The following IL1RAPL1 variants were observed in gnomAD, a reference collection of about 807,000 sequenced individuals.
IL1RAPL1 encodes the protein interleukin 1 receptor accessory protein like 1.
In IL1RAPL1, 3 loss-of-function variants were observed where a neutral mutation model predicts 48.4. The ratio of observed to expected loss-of-function variants is 0.06; its 90% CI spans 0.03 to 0.16. The LOEUF (loss-of-function observed/expected upper bound fraction) is 0.16, where lower values mean the gene tolerates loss of function less well. Ranked by LOEUF, IL1RAPL1 falls within the 10% of genes least tolerant of loss-of-function variation. The pLI is 1.00. For synonymous variants in IL1RAPL1, 185 were observed against 187.7 expected (o/e 0.99, Z 0.12); for missense variants, 349 against 530.6 (o/e 0.66, Z 3.36).
intron 1 of IL1RAPL1, among the ~76,000 whole-genome samples, chrX:28,787,860 A>G (rs920057873): frequency 9.0e-6 from 1 of 111,701 alleles, no homozygotes; most frequent in Non-Finnish European, 1.9e-5. Context: ...GTGTCCTGTC[A>G]TAAGTTTACA....
chrX:29,770,633 G>A (rs892790368), intron 6 of IL1RAPL1, among the ~76,000 whole-genome samples: 1 of 111,936 alleles, frequency 8.9e-6, no homozygotes, highest in African/African-American at 3.2e-5. Flanking sequence ...AATGACAGAG[G>A]TGGAGTTCAA....
At chrX:28,695,759 C>T (rs1237872565) in intron 1 of IL1RAPL1, among the ~76,000 whole-genome samples, 1 of 111,829 alleles carries the variant, frequency 8.9e-6, no homozygotes, top group African/African-American at 3.2e-5. Flanking sequence ...TAATGGTGAA[C>T]AAAAAGGAGT....
At chrX:28,604,161 C>T (rs1446567187) in intron 1 of IL1RAPL1, among the ~76,000 whole-genome samples, 1 of 111,526 alleles carries the variant, frequency 9.0e-6, no homozygotes, top group Admixed American at 9.5e-5. Flanking sequence ...CTACTTTTCC[C>T]TATATATAAG....
intron 8 of IL1RAPL1, among the ~76,000 whole-genome samples, chrX:29,922,409 A>G (rs1379217400): frequency 8.9e-6 from 1 of 112,166 alleles, no homozygotes; most frequent in African/African-American, 3.2e-5. Context: ...CTTGATAAAT[A>G]AAAGCATTAA....
chrX:28,679,896 C>G lies in IL1RAPL1; in HGVS notation c.-25+91849C>G, dbSNP rs183657174. On this transcript the variant is annotated intron_variant, in intron 1 of 10. Coordinates refer to ENST00000378993, the MANE Select transcript of IL1RAPL1 (RefSeq NM_014271.4). ...ATTTTGAAACCAGGAAGTATGATGC[C>G]TTCAGTTTTAATCTTCTTGCTCAAG... Among the ~76,000 whole-genome samples the G allele has an allele frequency of 3.3e-3, 368 of 111,343 alleles. 2 individuals are homozygous for G. The highest frequency in any genetic ancestry group is 0.011 in the African/African-American group (348 of 30,675).
chrX:28,636,651 T>C (rs1391977296), intron 1 of IL1RAPL1, among the ~76,000 whole-genome samples: 1 of 111,673 alleles, frequency 9.0e-6, no homozygotes, highest in Admixed American at 9.6e-5. Flanking sequence ...AGCTTCATGA[T>C]TGTAATTGGG....
chrX:29,309,263 C>T (rs998671412), intron 3 of IL1RAPL1, among the ~76,000 whole-genome samples: 3 of 110,693 alleles, frequency 2.7e-5, no homozygotes, highest in Non-Finnish European at 5.7e-5. Context: ...AGGTTTTAAG[C>T]CTTAGGGTGA....
chrX:29,847,793 C>A (rs1365398480), intron 6 of IL1RAPL1, among the ~76,000 whole-genome samples: 1 of 111,524 alleles, frequency 9.0e-6, no homozygotes, highest in African/African-American at 3.3e-5. Flanking sequence ...ATCCTGTGCC[C>A]AGAAATACAA....
At chrX:29,008,268 C>T (rs1926033875) in intron 2 of IL1RAPL1, among the ~76,000 whole-genome samples, 1 of 110,649 alleles carries the variant, frequency 9.0e-6, no homozygotes, top group Non-Finnish European at 1.9e-5. Context: ...CTCCCGGGTT[C>T]ACACCATTCT....
At chrX:29,623,800 G>T (rs1180059691) in intron 5 of IL1RAPL1, among the ~76,000 whole-genome samples, 1 of 111,904 alleles carries the variant, frequency 8.9e-6, no homozygotes, top group Non-Finnish European at 1.9e-5. Context: ...CACGTGCATC[G>T]CCTCTGAGCT....
intron 2 of IL1RAPL1, among the ~76,000 whole-genome samples, chrX:29,251,850 A>G (rs1351023430): frequency 9.0e-6 from 1 of 111,324 alleles, no homozygotes; most frequent in Non-Finnish European, 1.9e-5. Context: ...CAACATGTAT[A>G]CGATATTGTG....
At chrX:29,173,954 CTT>C (rs1929957747) in intron 2 of IL1RAPL1, among the ~76,000 whole-genome samples, 1 of 109,014 alleles carries the variant, frequency 9.2e-6, no homozygotes, top group Non-Finnish European at 1.9e-5. Context: ...GAGTTTCACT[CTT>C]GTTGCCCAGG....
intron 2 of IL1RAPL1, among the ~76,000 whole-genome samples, chrX:28,972,937 CA>C (rs1344657290): frequency 9.0e-6 from 1 of 111,200 alleles, no homozygotes; most frequent in Non-Finnish European, 1.9e-5. Flanking sequence ...TTAAATCTCT[CA>C]TACTTTTTCC....
rs779634697 is a variant in IL1RAPL1, at chrX:29,217,561, C to T, written c.83-65377C>T. On this transcript the variant is annotated intron_variant, in intron 2 of 10. Coordinates refer to ENST00000378993, the MANE Select transcript of IL1RAPL1 (RefSeq NM_014271.4). ...GATAATCTTGGTGAGGCACCTTGTG[C>T]ATTGCCAGGTAGCTGCCAGGTATTT... is the stretch of plus-strand genomic sequence containing the variant. 7.2e-5 allele frequency among the ~76,000 whole-genome samples: 8 copies of T among 111,545 alleles called. No homozygotes were observed. In the South Asian group the frequency reaches 3.0e-3, roughly 42 times the overall value.
intron 6 of IL1RAPL1, among the ~76,000 whole-genome samples, chrX:29,741,493 G>T (rs1347119460): frequency 9.0e-6 from 1 of 111,191 alleles, no homozygotes; most frequent in Non-Finnish European, 1.9e-5. Flanking sequence ...TTTCCCTTCA[G>T]CTATTACGAG....
chrX:28,868,309 C>G (rs1481059872), intron 2 of IL1RAPL1, among the ~76,000 whole-genome samples: 4 of 111,845 alleles, frequency 3.6e-5, no homozygotes, highest in Non-Finnish European at 7.5e-5. Context: ...TTTAGCTAGT[C>G]AGAATTTCTT....
intron 6 of IL1RAPL1, among the ~76,000 whole-genome samples, chrX:29,800,936 G>C (rs1929864442): frequency 1.1e-5 from 1 of 95,032 alleles, no homozygotes; most frequent in Non-Finnish European, 2.1e-5. Flanking sequence ...GGAGGCGGAG[G>C]TTGTGGTGAG....
chrX:28,785,868 GC>G (rs1569172311), intron 1 of IL1RAPL1, among the ~76,000 whole-genome samples: 1 of 111,866 alleles, frequency 8.9e-6, no homozygotes, highest in East Asian at 2.9e-4. Context: ...CTACATCATA[GC>G]AAAACATCTT....
chrX:28,955,430 G>A (rs1409232226), intron 2 of IL1RAPL1, among the ~76,000 whole-genome samples: 1 of 110,850 alleles, frequency 9.0e-6, no homozygotes, highest in Non-Finnish European at 1.9e-5. Context: ...ACATTAGGTC[G>A]AATCATTAAA....
Sources: allele counts gnomAD v4.1 joint callset (sites outside exome capture counted in the v4.1 genomes callset), GRCh38; gene constraint gnomAD v4.1.1; transcripts MANE v1.5; gene names NCBI Gene and HGNC (gene_info 2026-07-23, HGNC 2026-07-21).